IPO8: variants seen among roughly 807,000 people sequenced by gnomAD.
IPO8 encodes importin 8.
In IPO8, 65 loss-of-function variants were observed where a neutral mutation model predicts 141.2. The observed-to-expected ratio is 0.46, with a 90% CI of 0.38 to 0.57. The LOEUF is 0.57. IPO8 is among the 20% of genes least tolerant of loss of function. IPO8 has a pLI of 0.00. For missense variants in IPO8, 980 were observed against 1,246.8 expected, an observed-to-expected ratio of 0.79 and a Z score of 3.22; for synonymous variants, 411 against 420.3, an observed-to-expected ratio of 0.98 and a Z score of 0.27.
chr12:30,691,275 C>A (rs1202068131), intron 1 of IPO8, among the ~76,000 whole-genome samples: 4 of 152,164 alleles, frequency 2.6e-5, no homozygotes, highest in Non-Finnish European at 4.4e-5. Flanking sequence ...AGAAGCCAGT[C>A]CAGATTGGAA....
At chr12:30,652,360 A>C (rs531479519) in intron 18 of IPO8, 71 bp from the exon 19 acceptor site, 1 of 876,566 alleles carries the variant, frequency 1.1e-6, no homozygotes, top group Non-Finnish European at 1.9e-6. Context: ...CACTGAAACC[A>C]TATTTCTGTA....
chr12:30,648,651 G>A (rs1267710882), intron 20 of IPO8, among the ~76,000 whole-genome samples: 1 of 151,886 alleles, frequency 6.6e-6, no homozygotes, highest in Admixed American at 6.6e-5. Flanking sequence ...CTTAGTTATT[G>A]AACATACCAC....
intron 21 of IPO8, among the ~76,000 whole-genome samples, chr12:30,638,394 T>A (rs4143106): frequency 6.6e-6 from 1 of 151,900 alleles, no homozygotes; most frequent in Non-Finnish European, 1.5e-5. Context: ...CTTGTAAATA[T>A]GTTCCCCCAT....
intron 5 of IPO8, among the ~76,000 whole-genome samples, chr12:30,677,407 G>A (rs1454733347): frequency 6.6e-6 from 1 of 152,188 alleles, no homozygotes; most frequent in East Asian, 1.9e-4. Flanking sequence ...ATTTTATACA[G>A]TACGTAACTG....
chr12:30,652,193 T>C lies in IPO8; in HGVS notation c.2171A>G (p.Lys724Arg), dbSNP rs989615146. 7 of 1,534,112 alleles carry C rather than the reference T, an allele frequency of 4.6e-6. No individual in the cohort carries two copies. Among genetic ancestry groups the C allele is most frequent in the Non-Finnish European group, 6.3e-6 (7 of 1,109,314 alleles). Residue 724 changes from lysine to arginine, a missense_variant and splice_region_variant, in exon 19 of 25, where the codon AAG becomes AGG. Lys to Arg is a conservative substitution (Grantham distance 26). Around this residue, in one of 3 missense-constraint regions of IPO8, gnomAD observed 924 missense variants for 1,153.9 expected, o/e 0.80. Transcript: ENST00000256079. ...HLEILFTMCR[K>R]VLCGDAGEDA... ...AACAATAGATTAGGTCATGCTTACCTTCCTACACATTGTAAAAAGAATTTC... is the reference window on the plus strand; with the variant it reads ...AACAATAGATTAGGTCATGCTTACCCTCCTACACATTGTAAAAAGAATTTC...
chr12:30,659,079 A>G (rs938803532), intron 16 of IPO8, among the ~76,000 whole-genome samples: 2 of 151,868 alleles, frequency 1.3e-5, no homozygotes, highest in African/African-American at 2.4e-5. Context: ...ATGGGGTTTC[A>G]CTGTGTTAGC....
intron 6 of IPO8, among the ~76,000 whole-genome samples, chr12:30,674,978 G>C (rs1360795836): frequency 1.3e-5 from 2 of 152,028 alleles, no homozygotes; most frequent in African/African-American, 4.8e-5. Flanking sequence ...TCTTCAAAAG[G>C]CCTAAATAAG....
At chr12:30,638,640 G>A (rs962273518) in intron 21 of IPO8, among the ~76,000 whole-genome samples, 15 of 152,146 alleles carry the variant, frequency 9.9e-5, no homozygotes, top group Non-Finnish European at 2.1e-4. Flanking sequence ...GTGACCTGAG[G>A]TGGGCACATA....
chr12:30,667,696 G>A (rs998885004), intron 10 of IPO8, among the ~76,000 whole-genome samples: 1 of 152,106 alleles, frequency 6.6e-6, no homozygotes, highest in Non-Finnish European at 1.5e-5. Context: ...ACCCATATCC[G>A]CTTTTAAACA....
intron 21 of IPO8, 61 bp from the exon 22 acceptor site, chr12:30,637,248 G>T (rs1335784117): frequency 1.6e-6 from 2 of 1,256,328 alleles, no homozygotes; most frequent in Non-Finnish European, 2.3e-6. Context: ...AACAAATTCT[G>T]GAGAAACTAC....
chr12:30,667,579 A>G (rs1287634308), intron 10 of IPO8, among the ~76,000 whole-genome samples: 2 of 152,126 alleles, frequency 1.3e-5, no homozygotes, highest in Non-Finnish European at 2.9e-5. Context: ...GTTCTTCCCT[A>G]TGGTTACCCA....
intron 8 of IPO8, among the ~76,000 whole-genome samples, chr12:30,673,616 T>G (rs1431703956): frequency 2.0e-5 from 3 of 152,148 alleles, no homozygotes; most frequent in East Asian, 3.9e-4. Flanking sequence ...ATTATATAAG[T>G]CTTCTAAAAT....
At chr12:30,645,674 G>A (rs2052635561) in intron 20 of IPO8, among the ~76,000 whole-genome samples, 1 of 151,816 alleles carries the variant, frequency 6.6e-6, no homozygotes. Context: ...GAACAAAACA[G>A]GGTCATTACT....
chr12:30,649,153 CCTT>C lies in IPO8; in HGVS notation c.2249_2251del (p.Lys750_Gly751delinsArg). 1 of 1,612,384 alleles carries C rather than the reference CCTT, an allele frequency of 6.2e-7. No individual in the cohort carries two copies. The highest frequency in any genetic ancestry group is 8.5e-7 in the Non-Finnish European group (1 of 1,178,580). On this transcript the variant is annotated inframe_deletion, in exon 20 of 25. Coordinates refer to ENST00000256079, the MANE Select transcript of IPO8 (RefSeq NM_006390.4). ...ATATATTACCTGATCAATTCCCCTT[CCTT>C]TGCACTGAAGAATGATGACTTCCAG... is the stretch of plus-strand genomic sequence containing the variant.
In IPO8 at chr12:30,642,212, G is replaced by GA. The variant is rs111659866; in HGVS notation, c.2269-2478dup. ...AGCGAGACTTCATCTCAAAAAAACA[G>GA]AAAAAAAAATCTGTGCATATTAGAG... On this transcript the variant is annotated intron_variant, in intron 20 of 24. Coordinates refer to ENST00000256079, the MANE Select transcript of IPO8 (RefSeq NM_006390.4). 1.4e-3 allele frequency among the ~76,000 whole-genome samples: 205 copies of GA among 150,662 alleles called. 1 individual carries two copies. Among genetic ancestry groups the GA allele is most frequent in the African/African-American group, 4.3e-3 (177 of 41,052 alleles).
Position 30,649,120 on chromosome 12 carries a change from T to C in IPO8, c.2268+17A>G. The C allele has an allele frequency of 6.4e-7, 1 of 1,560,498 alleles. No homozygotes were observed. The highest frequency in any genetic ancestry group is 8.8e-7 in the Non-Finnish European group (1 of 1,134,522). ...AAATGTAACCCTCAAGTAAGGCACT[T>C]TCCAGACATATATTACCTGATCAAT... On this transcript the variant is annotated intron_variant, in intron 20 of 24. Coordinates refer to ENST00000256079, the MANE Select transcript of IPO8 (RefSeq NM_006390.4).
chr12:30,674,039 A>G lies in IPO8; in HGVS notation c.860T>C (p.Phe287Ser), dbSNP rs147298271. Residue 287 changes from phenylalanine (F) to serine (S), a missense_variant, in exon 8 of 25, where the codon TTT becomes TCT. Coordinates refer to ENST00000256079, the MANE Select transcript of IPO8 (RefSeq NM_006390.4). ...GSPGNVTKEY[F>S]EFSEFFLKTY... ...TTTCAAAAAGAATTCAGAAAATTCA[A>G]AGTATTCTTTTGTGACATTTCCTGG... 9.4e-6 allele frequency: 15 copies of G among 1,593,350 alleles called. No individual in the cohort carries two copies. Among genetic ancestry groups the G allele is most frequent in the Non-Finnish European group, 1.3e-5 (15 of 1,165,066 alleles).
chr12:30,664,167 A>G (rs2052928894), intron 13 of IPO8, among the ~76,000 whole-genome samples: 1 of 152,200 alleles, frequency 6.6e-6, no homozygotes, highest in African/African-American at 2.4e-5. Context: ...TGTGCATCAA[A>G]CACAATCAAC....
At chr12:30,662,074 A>G (rs1006591347) in intron 15 of IPO8, among the ~76,000 whole-genome samples, 1 of 152,202 alleles carries the variant, frequency 6.6e-6, no homozygotes, top group Non-Finnish European at 1.5e-5. Context: ...AAACCTATAC[A>G]GTTTGCTAAT....
Sources: allele counts gnomAD v4.1 joint callset (sites outside exome capture counted in the v4.1 genomes callset), GRCh38; gene constraint gnomAD v4.1.1; regional missense constraint gnomAD v4.1.1; transcripts MANE v1.5; gene names NCBI Gene and HGNC (gene_info 2026-07-23, HGNC 2026-07-21).